The following REPS2 variants were observed in gnomAD, a reference collection of about 807,000 sequenced individuals.
The protein encoded by REPS2 is RALBP1 associated Eps domain containing 2, also known as ralBP1-associated Eps domain-containing protein 2.
A neutral mutation model predicts 53.6 loss-of-function variants in REPS2; 23 were observed. The ratio of observed to expected loss-of-function variants is 0.43; its 90% CI spans 0.31 to 0.61. REPS2 has a LOEUF of 0.61. REPS2 is among the 20% of genes least tolerant of loss of function. The pLI is 0.11. For missense variants in REPS2, 446 were observed against 534.9 expected, an observed-to-expected ratio of 0.83 and a Z score of 1.64; for synonymous variants, 238 against 218.6, an observed-to-expected ratio of 1.09 and a Z score of -0.78.
intron 1 of REPS2, 125 bp from the exon 2 acceptor site, chrX:17,006,096 G>A (rs1355703648): frequency 3.9e-5 from 27 of 696,330 alleles, no homozygotes; most frequent in Non-Finnish European, 5.8e-5. Flanking sequence ...TGGGCACACA[G>A]AGGTTCTCAA....
At chrX:16,951,229 C>T (rs1027933264) in intron 1 of REPS2, among the ~76,000 whole-genome samples, 2 of 111,523 alleles carry the variant, frequency 1.8e-5, no homozygotes, top group Non-Finnish European at 3.8e-5. Context: ...TAAACAAAAC[C>T]ATTTACCTGT....
At chrX:17,052,184 G>T (rs1178839121) in intron 6 of REPS2, among the ~76,000 whole-genome samples, 198 bp from the exon 7 acceptor site, 2 of 112,008 alleles carry the variant, frequency 1.8e-5, no homozygotes, top group Non-Finnish European at 3.8e-5. Context: ...TTGCCCTATT[G>T]TAATTTACAT....
intron 1 of REPS2, among the ~76,000 whole-genome samples, chrX:16,968,690 G>A (rs1385081750): frequency 5.3e-5 from 5 of 94,146 alleles, no homozygotes; most frequent in South Asian, 5.3e-4. Flanking sequence ...CTGGCCGGGC[G>A]GGGGGCTGAC....
intron 6 of REPS2, among the ~76,000 whole-genome samples, chrX:17,050,141 C>CCTTCCTTCCTTCCTTCCTTT (rs1555926667): frequency 3.9e-4 from 8 of 20,384 alleles, no homozygotes; most frequent in Non-Finnish European, 7.3e-4. Context: ...TTCCTTTCTT[C>CCTTCCTTCCTTCCTTCCTTT]CTTTCTTTCT....
At chrX:17,050,626 C>T (rs2061989506) in intron 6 of REPS2, among the ~76,000 whole-genome samples, 1 of 111,233 alleles carries the variant, frequency 9.0e-6, no homozygotes, top group Non-Finnish European at 1.9e-5. Context: ...TTTCTCAGAA[C>T]GTATCCCTTT....
At chrX:16,969,337 AG>A (rs2060843008) in intron 1 of REPS2, among the ~76,000 whole-genome samples, 1 of 111,963 alleles carries the variant, frequency 8.9e-6, no homozygotes, top group African/African-American at 3.2e-5. Flanking sequence ...GGCCGGGCAG[AG>A]GCTGCAATCT....
intron 17 of REPS2, among the ~76,000 whole-genome samples, chrX:17,142,064 C>G (rs899541397): frequency 8.9e-6 from 1 of 111,794 alleles, no homozygotes; most frequent in African/African-American, 3.3e-5. Flanking sequence ...TGAAATAGAC[C>G]ACATGAAAAC....
chrX:17,059,073 C>T (rs2062116347), intron 8 of REPS2, among the ~76,000 whole-genome samples: 1 of 101,343 alleles, frequency 9.9e-6, no homozygotes, highest in African/African-American at 3.7e-5. Context: ...TGCAGTGGTG[C>T]AATCTCGGCT....
At chrX:17,043,390 T>C (rs2061860442) in intron 5 of REPS2, among the ~76,000 whole-genome samples, 1 of 111,317 alleles carries the variant, frequency 9.0e-6, no homozygotes, top group African/African-American at 3.3e-5. Context: ...CACTGGTCTG[T>C]AGGGGTGGGA....
chrX:17,173,207 A>G, the REPS2 span, among the ~76,000 whole-genome samples: 1 of 112,244 alleles, frequency 8.9e-6, no homozygotes, highest in Non-Finnish European at 1.9e-5. Context: ...TTCTCTGCTC[A>G]GAGTCTCACA....
downstream of REPS2, among the ~76,000 whole-genome samples, chrX:17,153,695 AAAT>A (rs2063589459): frequency 9.0e-6 from 1 of 111,478 alleles, no homozygotes; most frequent in African/African-American, 3.3e-5. Context: ...CTTACCTTTA[AAAT>A]TTGAATAATT....
chrX:17,033,252 C>T (rs778850626), intron 5 of REPS2, among the ~76,000 whole-genome samples: 2 of 111,466 alleles, frequency 1.8e-5, no homozygotes, highest in South Asian at 7.6e-4. Context: ...ATTATGCCTG[C>T]TCTCCTGGTT....
At chrX:17,123,327 TTC>T (rs1209994264) in intron 14 of REPS2, among the ~76,000 whole-genome samples, 6 of 112,570 alleles carry the variant, frequency 5.3e-5, no homozygotes, top group Non-Finnish European at 1.1e-4. Context: ...TGACTCAGAT[TTC>T]TGTTCCATTA....
chrX:16,965,644 C>T lies in REPS2; in HGVS notation c.273+18510C>T, dbSNP rs756936156. On this transcript the variant is annotated intron_variant, in intron 1 of 17. Transcript: ENST00000357277. Reference sequence around the variant, plus strand: ...CAGACGATGGGCGGCCGGGCAGAGACGCTCCTCACTTCCCAGATGTGATGG... The same window carrying T: ...CAGACGATGGGCGGCCGGGCAGAGATGCTCCTCACTTCCCAGATGTGATGG... 4.4e-3 allele frequency among the ~76,000 whole-genome samples: 492 copies of T among 111,887 alleles called. 6 individuals carry two copies. Among genetic ancestry groups the T allele is most frequent in the African/African-American group, 0.015 (450 of 30,828 alleles).
intron 16 of REPS2, chrX:17,138,162 T>TA (rs2148155777): frequency 8.9e-6 from 1 of 112,663 alleles, no homozygotes; most frequent in East Asian, 2.8e-4. Flanking sequence ...CTAATGTACT[T>TA]ATGCTGGACA....
chrX:17,113,676 T>G (rs1273585743), intron 14 of REPS2, among the ~76,000 whole-genome samples: 1 of 111,186 alleles, frequency 9.0e-6, no homozygotes, highest in Non-Finnish European at 1.9e-5. Flanking sequence ...AATGACAAAT[T>G]CAAAAGGCAA....
chrX:17,156,409 C>CATAT (rs765156297), downstream of REPS2, among the ~76,000 whole-genome samples: 2,306 of 105,265 alleles, frequency 0.022, 72 homozygotes, highest in African/African-American at 0.077. Context: ...ATATGTAATA[C>CATAT]ATATATATAT....
chrX:17,013,136 C>G (rs760637654), intron 2 of REPS2, among the ~76,000 whole-genome samples: 19 of 112,129 alleles, frequency 1.7e-4, no homozygotes, highest in African/African-American at 5.8e-4. Context: ...GGCATCTAGC[C>G]GGTAGAGGCC....
At chrX:17,017,876 G>T (rs1391427842) in intron 2 of REPS2, among the ~76,000 whole-genome samples, 1 of 110,446 alleles carries the variant, frequency 9.1e-6, no homozygotes, top group East Asian at 2.8e-4. Context: ...ATATACATGG[G>T]AGTTTGAAGG....
Sources: allele counts gnomAD v4.1 joint callset (sites outside exome capture counted in the v4.1 genomes callset), GRCh38; gene constraint gnomAD v4.1.1; transcripts MANE v1.5; gene names NCBI Gene and HGNC (gene_info 2026-07-23, HGNC 2026-07-21).